The following KDM6B variants were observed in gnomAD, a reference collection of about 807,000 sequenced individuals.
KDM6B encodes the protein lysine-specific demethylase 6B.
In KDM6B, 22 loss-of-function variants were observed where a neutral mutation model predicts 150.4. The observed-to-expected ratio is 0.15, with a 90% CI of 0.10 to 0.21. The LOEUF is 0.21. KDM6B is among the 10% of genes least tolerant of loss of function. KDM6B has a pLI of 1.00. For missense variants in KDM6B, 1,984 were observed against 2,234.3 expected (o/e 0.89, Z 2.26); for synonymous variants, 1,148 against 921.1 (o/e 1.25, Z -4.46).
At chr17:7,839,313 G>A (rs566308543) in intron 1 of KDM6B, among the ~76,000 whole-genome samples, 49 of 152,288 alleles carry the variant, frequency 3.2e-4, no homozygotes, top group African/African-American at 1.0e-3. Context: ...AGGGAGGGGA[G>A]GCTTGCAGTG....
In KDM6B at chr17:7,849,103, G is replaced by T. The variant is rs1411110547; in HGVS notation, c.2815G>T (p.Val939Leu). Residue 939 changes from valine to leucine, a missense_variant, in exon 12 of 24, where the codon GTG (valine) becomes TTG (leucine). Physicochemically the swap from Val to Leu is conservative, Grantham distance 32. Around this residue, in one of 13 missense-constraint regions of KDM6B, gnomAD observed 1,379 missense variants for 1,275.6 expected, o/e 1.08. Coordinates refer to ENST00000448097, the MANE Select transcript of KDM6B (RefSeq NM_001348716.2). ...GAGTGCCACTGACCCAGCCGACCCA[G>T]TGGACACAGCAGAGCCAGCGGACAG... ...GRSATDPADP[V>L]DTAEPADSGT... The T allele has an allele frequency of 6.2e-7, 1 of 1,612,534 alleles. No individual in the cohort carries two copies. Among genetic ancestry groups the T allele is most frequent in the Non-Finnish European group, 8.5e-7 (1 of 1,179,904 alleles).
Position 7,845,898 on chromosome 17 carries a change from C to G in KDM6B, c.164C>G (p.Pro55Arg). The change falls in exon 6 of 24, where the codon CCG becomes CGG. Residue 55 changes from proline (P) to arginine (R), a missense_variant. Physicochemically the swap from Pro to Arg is moderately radical, Grantham distance 103 (BLOSUM62 -2). Transcript: ENST00000448097. ...TGCTCAGCCAGCATTGGGCAGCCCC[C>G]GCTTCCTGCTCCCCTACCCCCTTCA... is the stretch of plus-strand genomic sequence containing the variant. The part of the protein sequence containing the change: ...GRCSASIGQP[P>R]LPAPLPPSHG... 3 of 1,613,974 alleles carry G rather than the reference C, an allele frequency of 1.9e-6. No individual in the cohort carries two copies. Among genetic ancestry groups the G allele is most frequent in the Non-Finnish European group, 2.5e-6 (3 of 1,179,822 alleles).
rs755747126 is a variant in KDM6B at position 7,847,242 on chromosome 17, C to T, written c.1047C>T (p.Cys349=). 3 of 1,577,974 alleles carry T rather than the reference C, an allele frequency of 1.9e-6. No individual in the cohort carries two copies. Among genetic ancestry groups the T allele is most frequent in the Non-Finnish European group, 8.6e-7 (1 of 1,162,398 alleles). The stretch of plus-strand genomic sequence containing the variant: ...CCCCAGGAGCAGAGAGCCATGGCTG[C>T]CTGCCTGCCACCCGTCCCCCCGGAA... ...PRPPGAESHG[C]LPATRPPGSD... is the part of the protein sequence containing the mutation. Residue 349 remains cysteine (C), a synonymous_variant, in exon 11 of 24, where the codon TGC becomes TGT. Coordinates refer to ENST00000448097, the MANE Select transcript of KDM6B (RefSeq NM_001348716.2).
intron 21 of KDM6B, 60 bp downstream of exon 21, chr17:7,852,696 C>G (rs2078722736): frequency 6.2e-7 from 1 of 1,604,596 alleles, no homozygotes; most frequent in Non-Finnish European, 8.5e-7. Flanking sequence ...TCTTGTTCTT[C>G]CTGTCTGACT....
intron 2 of KDM6B, among the ~76,000 whole-genome samples, chr17:7,841,438 C>T (rs1157724146): frequency 6.6e-6 from 1 of 152,170 alleles, no homozygotes; most frequent in Non-Finnish European, 1.5e-5. Flanking sequence ...TGTTCAGTAA[C>T]ATGAAGGCAA....
In KDM6B at chr17:7,851,786, C is replaced by T; in HGVS notation, c.4155C>T (p.Ser1385=). ...TVQLYMKVPG[S]RTPGHQENNN... Reference sequence around the variant, plus strand: ...AGCTGTACATGAAGGTGCCCGGCAGCCGAACGCCAGGTGCGCTCCACGCCT... The same window carrying T: ...AGCTGTACATGAAGGTGCCCGGCAGTCGAACGCCAGGTGCGCTCCACGCCT... Residue 1385 remains serine, a synonymous_variant, in exon 18 of 24, where the codon AGC becomes AGT. Coordinates refer to ENST00000448097, the MANE Select transcript of KDM6B (RefSeq NM_001348716.2). 2 of 1,555,008 alleles carry T rather than the reference C, an allele frequency of 1.3e-6. No homozygotes were observed. Among genetic ancestry groups the T allele is most frequent in the African/African-American group, 1.4e-5 (1 of 73,374 alleles).
rs1265369627 is a variant in KDM6B at position 7,851,022 on chromosome 17, C to T, written c.3675C>T (p.Asn1225=). 2.5e-6 allele frequency: 4 copies of T among 1,602,824 alleles called. No individual in the cohort carries two copies. In the East Asian group the frequency reaches 9.0e-5, roughly 36 times the overall value. Residue 1225 remains asparagine (N), a splice_region_variant and synonymous_variant, in exon 15 of 24, where the codon AAC becomes AAT. Coordinates refer to ENST00000448097, the MANE Select transcript of KDM6B (RefSeq NM_001348716.2). The part of the protein sequence containing the change: ...IRGLAGSLRL[N]LGLFSTKTLV... ...ACCCTGCTCGGCCCTCCCTTCCAGA[C>T]TTGGGCCTCTTCTCCACCAAGACCC...
chr17:7,848,564 CCACCA>C lies in KDM6B; in HGVS notation c.2278_2282del (p.Thr760HisfsTer95). On this transcript the variant is annotated frameshift_variant, in exon 12 of 24. Coordinates refer to ENST00000448097, the MANE Select transcript of KDM6B (RefSeq NM_001348716.2). LOFTEE classifies it high-confidence loss of function. The stretch of plus-strand genomic sequence containing the variant: ...GTCACCACCACCACCACCACCACCA[CCACCA>C]CCACGGCCACCCAGGAAGAGGAGAA... 1 of 1,608,414 alleles carries C rather than the reference CCACCA, an allele frequency of 6.2e-7. No homozygotes were observed. Among genetic ancestry groups the C allele is most frequent in the Admixed American group, 1.7e-5 (1 of 59,660 alleles).
At chr17:7,841,761 G>C (rs577227197) in intron 2 of KDM6B, among the ~76,000 whole-genome samples, 1 of 152,224 alleles carries the variant, frequency 6.6e-6, no homozygotes, top group Non-Finnish European at 1.5e-5. Flanking sequence ...GGCCGGGGCC[G>C]GCACCGTCAC....
In KDM6B at chr17:7,843,404, C is replaced by A. The variant is rs2078457959; in HGVS notation, c.-268-1497C>A. Among the ~76,000 whole-genome samples, 1 of 152,176 alleles carries A rather than the reference C, an allele frequency of 6.6e-6. No individual in the cohort carries two copies. Among genetic ancestry groups the A allele is most frequent in the Non-Finnish European group, 1.5e-5 (1 of 68,038 alleles). On this transcript the variant is annotated intron_variant, in intron 2 of 23. Transcript: ENST00000448097. The surrounding 1 kb of genome is among the most constrained non-coding windows in gnomAD (Gnocchi z 4.5). ...TCTGACAGTAATACCACGTGAACCGCGGAGAGGGTCCGCGGGGCCCAAGCG... is the reference window on the plus strand; with the variant it reads ...TCTGACAGTAATACCACGTGAACCGAGGAGAGGGTCCGCGGGGCCCAAGCG...
Position 7,851,133 on chromosome 17 carries a change from T to C in KDM6B, c.3786T>C (p.Thr1262=), listed in dbSNP as rs1356842439. The C allele has an allele frequency of 6.2e-7, 1 of 1,613,736 alleles. No homozygotes were observed. Among genetic ancestry groups the C allele is most frequent in the East Asian group, 2.2e-5 (1 of 44,872 alleles). The change falls in exon 15 of 24, where the codon ACT becomes ACC. Residue 1262 remains threonine, a synonymous_variant. Coordinates refer to ENST00000448097, the MANE Select transcript of KDM6B (RefSeq NM_001348716.2). ...PSDENWDLTG[T]RQIWPCESSR... Reference sequence around the variant, plus strand: ...ATGAGAACTGGGATCTGACAGGCACTCGGCAGATCTGGCCTTGTGAGAGCT... The same window carrying C: ...ATGAGAACTGGGATCTGACAGGCACCCGGCAGATCTGGCCTTGTGAGAGCT...
At chr17:7,852,455 GC>G (rs2078717661) in intron 20 of KDM6B, 39 bp from the exon 21 acceptor site, 1 of 1,594,470 alleles carries the variant, frequency 6.3e-7, no homozygotes. Flanking sequence ...GTGTCTGGGG[GC>G]TGTTTGAGAG....
intron 14 of KDM6B, among the ~76,000 whole-genome samples, chr17:7,850,682 C>A (rs142881556): frequency 5.9e-3 from 276 of 46,448 alleles, no homozygotes; most frequent in African/African-American, 0.018. Flanking sequence ...TTTGACTAGA[C>A]TCCAAATGGG....
In KDM6B at chr17:7,846,847, C is replaced by G. The variant is rs199646552; in HGVS notation, c.740C>G (p.Pro247Arg). The stretch of plus-strand genomic sequence containing the variant: ...GGCCTTCCCCCAGGGCTGCCACTGC[C>G]TCCACCACCATTACCACCACCACCA... ...QTGLPPGLPL[P>R]PPPLPPPPPP... The change falls in exon 10 of 24, where the codon CCT becomes CGT. Residue 247 changes from proline (P) to arginine (R), a missense_variant. Pro to Arg is a moderately radical substitution (Grantham distance 103, BLOSUM62 -2). This residue lies in a region of KDM6B where 337 missense variants were observed against 323.9 expected (regional missense o/e 1.04). Transcript: ENST00000448097. The G allele has an allele frequency of 2.5e-6, 4 of 1,603,664 alleles. No individual in the cohort carries two copies. The highest frequency in any genetic ancestry group is 2.2e-5 in the East Asian group (1 of 44,486).
At chr17:7,842,165 CAG>C (rs1293938394) in intron 2 of KDM6B, among the ~76,000 whole-genome samples, 2 of 152,036 alleles carry the variant, frequency 1.3e-5, no homozygotes, top group Non-Finnish European at 1.5e-5. Context: ...GGCTCAAGCC[CAG>C]AGAGAGTTAA....
intron 2 of KDM6B, among the ~76,000 whole-genome samples, chr17:7,842,864 C>T (rs114555032): frequency 0.085 from 3,661 of 43,188 alleles, 164 homozygotes; most frequent in African/African-American, 0.25. Flanking sequence ...GGGCTTTGTA[C>T]GGGGGGCGGG....
chr17:7,842,664 G>C (rs2078441854), intron 2 of KDM6B, among the ~76,000 whole-genome samples: 1 of 152,222 alleles, frequency 6.6e-6, no homozygotes, highest in African/African-American at 2.4e-5. Context: ...GGGCCATCGT[G>C]GGGGAAGACG....
chr17:7,844,550 T>C lies in KDM6B; in HGVS notation c.-268-351T>C, dbSNP rs1242603028. 6.6e-6 allele frequency among the ~76,000 whole-genome samples: 1 copy of C among 152,062 alleles called. No individual in the cohort carries two copies. The highest frequency in any genetic ancestry group is 1.5e-5 in the Non-Finnish European group (1 of 67,984). On this transcript the variant is annotated intron_variant, in intron 2 of 23. Coordinates refer to ENST00000448097, the MANE Select transcript of KDM6B (RefSeq NM_001348716.2). The surrounding 1 kb of genome is among the most constrained non-coding windows in gnomAD (Gnocchi z 5.9). ...GTGAGGAAGGGGAGGGACGTCTTTT[T>C]TGCGTTCTGCATCCGTCTGTCGTCC...
chr17:7,842,367 G>T (rs754652792), intron 2 of KDM6B, among the ~76,000 whole-genome samples: 21 of 152,212 alleles, frequency 1.4e-4, no homozygotes, highest in African/African-American at 4.6e-4. Context: ...TGGCTCCCGA[G>T]GTTGTGGGTC....
Sources: gnomAD v4.1 joint callset for allele counts (sites outside exome capture counted in the v4.1 genomes callset) on GRCh38, gnomAD v4.1.1 for gene constraint, gnomAD v4.1.1 regional missense constraint, Gnocchi (gnomAD v3.1) non-coding constraint, MANE v1.5 for transcripts, NCBI Gene and HGNC (gene_info 2026-07-23, HGNC 2026-07-21) for gene names.